The following FAM227B variants were observed in gnomAD, a reference collection of about 807,000 sequenced individuals.
FAM227B encodes family with sequence similarity 227 member B.
In FAM227B, 88 loss-of-function variants were observed where a neutral mutation model predicts 73.8. The observed-to-expected ratio is 1.19, with a 90% CI of 1.00 to 1.42. The LOEUF (loss-of-function observed/expected upper bound fraction) is 1.42, where lower values mean the gene tolerates loss of function less well. FAM227B is among the 40% of genes most tolerant of loss of function. FAM227B has a pLI of 0.00. For synonymous variants in FAM227B, 210 were observed against 190.5 expected, an observed-to-expected ratio of 1.10 and a Z score of -0.84; for missense variants, 632 against 590.9, an observed-to-expected ratio of 1.07 and a Z score of -0.72.
chr15:49,373,677 T>A (rs937117244), intron 11 of FAM227B, among the ~76,000 whole-genome samples: 10 of 152,270 alleles, frequency 6.6e-5, no homozygotes, highest in African/African-American at 2.4e-4. Context: ...ATTTTAGAGA[T>A]GTTATCCCCT....
chr15:49,517,151 G>A (rs1300149808), intron 10 of FAM227B, among the ~76,000 whole-genome samples: 2 of 152,118 alleles, frequency 1.3e-5, no homozygotes, highest in Non-Finnish European at 2.9e-5. Flanking sequence ...AGCAGCAATA[G>A]AAAACTAATA....
intron 13 of FAM227B, among the ~76,000 whole-genome samples, chr15:49,356,039 C>G (rs1226829003): frequency 6.6e-6 from 1 of 151,748 alleles, no homozygotes; most frequent in Non-Finnish European, 1.5e-5. Flanking sequence ...CAAGCAAATG[C>G]TGAGAGATTT....
At chr15:49,542,634 G>A (rs1362587697) in intron 9 of FAM227B, among the ~76,000 whole-genome samples, 1 of 151,612 alleles carries the variant, frequency 6.6e-6, no homozygotes, top group African/African-American at 2.4e-5. Context: ...ATAATTGTCT[G>A]CAGCTCCATC....
Position 49,331,857 on chromosome 15 carries a change from T to C in FAM227B, c.1350-8A>G, listed in dbSNP as rs776165143. On this transcript the variant is annotated splice_polypyrimidine_tract_variant and splice_region_variant and intron_variant, in intron 14 of 15. Coordinates refer to ENST00000299338, the MANE Select transcript of FAM227B (RefSeq NM_152647.3). ...GTAGCCTTTGCTTGGAGTCTAATCA[T>C]GGAATAAAGAAAATCAGTAACCAAA... 8 of 1,583,376 alleles carry C rather than the reference T, an allele frequency of 5.1e-6. No individual in the cohort carries two copies. The South Asian group carries it at 6.6e-5, about 13-fold the overall frequency.
chr15:49,433,169 G>C (rs2050766351), intron 11 of FAM227B, among the ~76,000 whole-genome samples: 1 of 151,396 alleles, frequency 6.6e-6, no homozygotes. Flanking sequence ...TCAATTATTT[G>C]AGATTTTCAA....
chr15:49,481,724 T>C (rs1420601358), intron 11 of FAM227B, among the ~76,000 whole-genome samples: 2 of 152,208 alleles, frequency 1.3e-5, no homozygotes, highest in Non-Finnish European at 1.5e-5. Flanking sequence ...GTTGTATGCA[T>C]TGTGATAATG....
At chr15:49,468,438 C>A (rs889883887) in intron 11 of FAM227B, among the ~76,000 whole-genome samples, 3 of 152,082 alleles carry the variant, frequency 2.0e-5, no homozygotes, top group African/African-American at 7.2e-5. Context: ...TTTCTAATTT[C>A]TTTTAGTGTA....
intron 2 of FAM227B, 61 bp downstream of exon 2, chr15:49,615,060 T>C: frequency 2.0e-6 from 3 of 1,513,632 alleles, no homozygotes; most frequent in Middle Eastern, 1.7e-4. Context: ...CCTGATTACC[T>C]GAAATTCCAA....
chr15:49,463,233 A>C (rs1381089265), intron 11 of FAM227B, among the ~76,000 whole-genome samples: 1 of 152,144 alleles, frequency 6.6e-6, no homozygotes, highest in African/African-American at 2.4e-5. Flanking sequence ...TAAACTTTTC[A>C]GTGGCTTACC....
At position 49,519,562 on chromosome 15, in the gene FAM227B, A is replaced by T. The variant is rs139567344; in HGVS notation, c.875-11214T>A. Among the ~76,000 whole-genome samples, 300 of 152,110 alleles carry T rather than the reference A, an allele frequency of 2.0e-3. 2 individuals carry two copies. The highest frequency in any genetic ancestry group is 7.0e-3 in the African/African-American group (288 of 41,406). ...CACCCTCAGGCTCAACACCATGTGTAAGCCACCGAGGCTTGCACCCTCTGA... is the reference window on the plus strand; with the variant it reads ...CACCCTCAGGCTCAACACCATGTGTTAGCCACCGAGGCTTGCACCCTCTGA... On this transcript the variant is annotated intron_variant, in intron 10 of 15. Coordinates refer to ENST00000299338, the MANE Select transcript of FAM227B (RefSeq NM_152647.3).
At chr15:49,386,195 A>G (rs959060645) in intron 11 of FAM227B, among the ~76,000 whole-genome samples, 3 of 151,742 alleles carry the variant, frequency 2.0e-5, no homozygotes, top group African/African-American at 7.3e-5. Context: ...TCCAGAATAC[A>G]CATTCTTCTC....
intron 11 of FAM227B, among the ~76,000 whole-genome samples, chr15:49,399,600 A>T (rs1191757517): frequency 1.3e-5 from 2 of 151,266 alleles, no homozygotes; most frequent in East Asian, 3.9e-4. Context: ...AAAATCCTCA[A>T]TAAAATACTG....
At position 49,568,267 on chromosome 15, in the gene FAM227B, CT is replaced by C; in HGVS notation, c.724del (p.Ser242ValfsTer41). ...TACCTGAAAAAATGCATCCTTTCGACTTAGAGGTATGCTCATGAAAAGTGTC... is the reference window on the plus strand; with the variant it reads ...TACCTGAAAAAATGCATCCTTTCGACTAGAGGTATGCTCATGAAAAGTGTC... ...YVTLFMSIPL[S>X]RKDAFFQIYP... On this transcript the variant is annotated frameshift_variant, in exon 9 of 16. Transcript: ENST00000299338. LOFTEE classifies it high-confidence loss of function. 6.2e-7 allele frequency: 1 copy of C among 1,608,450 alleles called. No individual in the cohort carries two copies. Among genetic ancestry groups the C allele is most frequent in the Non-Finnish European group, 8.5e-7 (1 of 1,177,678 alleles).
chr15:49,408,526 A>G (rs767426031), intron 11 of FAM227B, among the ~76,000 whole-genome samples: 4 of 152,160 alleles, frequency 2.6e-5, no homozygotes, highest in African/African-American at 4.8e-5. Flanking sequence ...TCTTCCTGGA[A>G]TTCGTTTTGA....
rs749716689 is a variant in FAM227B at position 49,568,205 on chromosome 15, T to A, written c.747+40A>T. ...TAACGATTTTTTCTATTTCATTCAC[T>A]TTAAAAATAATTAGCATAACTGTTA... On this transcript the variant is annotated intron_variant, in intron 9 of 15. Transcript: ENST00000299338. 27 of 1,490,810 alleles carry A rather than the reference T, an allele frequency of 1.8e-5. No homozygotes were observed. The Admixed American group carries it at 2.5e-4, about 14-fold the overall frequency. The allele number at this position is 1,490,810 out of a possible 1,614,324, so 92.3% of individuals were successfully genotyped here.
intron 8 of FAM227B, among the ~76,000 whole-genome samples, chr15:49,572,994 T>TC (rs1301195059): frequency 3.3e-5 from 5 of 151,872 alleles, no homozygotes; most frequent in Admixed American, 1.3e-4. Context: ...CTTTTTTTTT[T>TC]CTTTTTCCAC....
At chr15:49,425,354 T>G (rs936053943) in intron 11 of FAM227B, 1 of 152,016 alleles carries the variant, frequency 6.6e-6, no homozygotes, top group Non-Finnish European at 1.5e-5. Flanking sequence ...TCTTCTTATG[T>G]TAAAATATCA....
chr15:49,483,151 A>T, intron 11 of FAM227B: 1 of 1,527,026 alleles, frequency 6.5e-7, no homozygotes. Flanking sequence ...TTCCTTGCAG[A>T]TATCATGGAA....
chr15:49,367,607 G>T lies in FAM227B; in HGVS notation c.1112C>A (p.Ser371Ter). The change falls in exon 13 of 16, where the codon TCG becomes TAG. Residue 371 changes from serine to a stop codon, truncating the protein, a stop_gained and splice_region_variant. Coordinates refer to ENST00000299338, the MANE Select transcript of FAM227B (RefSeq NM_152647.3). LOFTEE classifies it high-confidence loss of function. ...ESRLSRLATK[S>*]HYSSTGPEFN... ...CTCTGGACCAGTACTACTATAGTGCGACTGTAAGAGGAAGAAAATAATCAA... is the reference window on the plus strand; with the variant it reads ...CTCTGGACCAGTACTACTATAGTGCTACTGTAAGAGGAAGAAAATAATCAA... 1 of 1,548,938 alleles carries T rather than the reference G, an allele frequency of 6.5e-7. No individual in the cohort carries two copies. Among genetic ancestry groups the T allele is most frequent in the South Asian group, 1.3e-5 (1 of 77,728 alleles).
Sources: gnomAD v4.1 joint callset for allele counts (sites outside exome capture counted in the v4.1 genomes callset) on GRCh38, gnomAD v4.1.1 for gene constraint, MANE v1.5 for transcripts, NCBI Gene and HGNC (gene_info 2026-07-23, HGNC 2026-07-21) for gene names.